The following AGBL1 variants were observed in gnomAD, a reference collection of about 807,000 sequenced individuals.
AGBL1 encodes the protein AGBL carboxypeptidase 1.
In AGBL1, 130 loss-of-function variants were observed where a neutral mutation model predicts 118.9. The observed-to-expected ratio is 1.09, with a 90% CI of 0.95 to 1.26. AGBL1 has a LOEUF of 1.26. Ranked by LOEUF, AGBL1 falls within the 50% of genes most tolerant of loss-of-function variation. AGBL1 has a pLI of 0.00. For synonymous variants in AGBL1, 555 were observed against 478.9 expected (o/e 1.16, Z -2.08); for missense variants, 1,584 against 1,298.1 (o/e 1.22, Z -3.38).
intron 21 of AGBL1, among the ~76,000 whole-genome samples, chr15:86,632,924 T>C (rs993824540): frequency 2.0e-5 from 3 of 152,258 alleles, no homozygotes; most frequent in African/African-American, 7.2e-5. Context: ...TTCACTTGCA[T>C]AGTTCAATTA....
rs568045810 is a variant in AGBL1, at chr15:86,248,438, A to T, written c.735+559A>T. On this transcript the variant is annotated intron_variant, in intron 7 of 22. Transcript: ENST00000614907. ...GTGTATGGCATAGTGTTAAGTGTTG[A>T]CTCTAGAACTAGAGTACTGGATTCA... 7.9e-5 allele frequency among the ~76,000 whole-genome samples: 12 copies of T among 152,254 alleles called. No homozygotes were observed. In the South Asian group the frequency reaches 2.3e-3, roughly 29 times the overall value.
In AGBL1 at chr15:87,019,915, G is replaced by C. The variant is rs893509257; in HGVS notation, c.3324-8910G>C. On this transcript the variant is annotated intron_variant, in intron 24 of 24. Transcript: ENST00000441037. ...AAAGAAGAATCAAAGAAACAAGTCA[G>C]AAATGATGAGGATATCACCACTGAC... 5.3e-5 allele frequency among the ~76,000 whole-genome samples: 8 copies of C among 151,516 alleles called. No individual in the cohort carries two copies. In the East Asian group the frequency reaches 1.6e-3, roughly 29 times the overall value.
chr15:86,990,580 T>G (rs536185963), intron 24 of AGBL1, among the ~76,000 whole-genome samples: 1 of 152,190 alleles, frequency 6.6e-6, no homozygotes, highest in Non-Finnish European at 1.5e-5. Flanking sequence ...CAGCAAATAC[T>G]TTTATAGCAC....
At chr15:86,590,290 T>C (rs1405199937) in intron 21 of AGBL1, among the ~76,000 whole-genome samples, 2 of 152,310 alleles carry the variant, frequency 1.3e-5, no homozygotes, top group South Asian at 4.1e-4. Flanking sequence ...CCATGTGTCA[T>C]GGAAGACACC....
intron 18 of AGBL1, among the ~76,000 whole-genome samples, chr15:86,409,877 ATC>A (rs1163430295): frequency 1.3e-5 from 2 of 151,836 alleles, no homozygotes; most frequent in African/African-American, 4.8e-5. Flanking sequence ...CCCTCCTCTG[ATC>A]CTCCTATAGG....
chr15:86,552,020 G>A (rs1001434539), intron 20 of AGBL1, among the ~76,000 whole-genome samples: 1 of 152,124 alleles, frequency 6.6e-6, no homozygotes, highest in Non-Finnish European at 1.5e-5. Context: ...GGATTCTTAG[G>A]GCAGTAAAAC....
intron 21 of AGBL1, 56 bp from the exon 22 acceptor site, chr15:86,674,217 T>A: frequency 6.6e-7 from 1 of 1,508,956 alleles, no homozygotes; most frequent in Non-Finnish European, 9.0e-7. Flanking sequence ...TTTCAAAGTG[T>A]CACCACTCAG....
intron 19 of AGBL1, among the ~76,000 whole-genome samples, chr15:86,540,788 A>G (rs2083484338): frequency 6.6e-6 from 1 of 152,230 alleles, no homozygotes; most frequent in African/African-American, 2.4e-5. Flanking sequence ...TCTTAGAATT[A>G]ACAGGCATTT....
At chr15:86,983,870 A>G (rs1320626511) in intron 23 of AGBL1, among the ~76,000 whole-genome samples, 1 of 152,220 alleles carries the variant, frequency 6.6e-6, no homozygotes, top group African/African-American at 2.4e-5. Context: ...TTGTGTACAT[A>G]GGTAGTTCTC....
At chr15:86,661,900 T>C (rs993949876) in intron 21 of AGBL1, among the ~76,000 whole-genome samples, 2 of 152,210 alleles carry the variant, frequency 1.3e-5, no homozygotes, top group Non-Finnish European at 2.9e-5. Context: ...CTCTATTCTC[T>C]GCTCTAAGAT....
intron 18 of AGBL1, among the ~76,000 whole-genome samples, chr15:86,489,619 C>T (rs550284775): frequency 1.3e-5 from 2 of 152,204 alleles, no homozygotes; most frequent in South Asian, 2.1e-4. Context: ...CTGTCCTATC[C>T]CCTATTTTGG....
intron 17 of AGBL1, among the ~76,000 whole-genome samples, chr15:86,378,506 A>C (rs184139479): frequency 7.7e-4 from 117 of 152,212 alleles, no homozygotes; most frequent in Middle Eastern, 3.4e-3. Flanking sequence ...CTGGTCATCC[A>C]GTGCTGTTTT....
rs948274204 is a variant in AGBL1 at position 86,913,296 on chromosome 15, T to A, written c.*6002T>A. On this transcript the variant is annotated 3_prime_UTR_variant, in exon 23 of 23. Coordinates refer to ENST00000614907, the MANE Select transcript of AGBL1 (RefSeq NM_001386094.1). ...TCCTCAGACACATGACACATGTTCA[T>A]ACAGGTGAGGGGCAGCTGGTTGATG... 3.3e-5 allele frequency: 5 copies of A among 152,082 alleles called. No homozygotes were observed. Among genetic ancestry groups the A allele is most frequent in the Admixed American group, 6.5e-5 (1 of 15,272 alleles). 9.4% of individuals were successfully genotyped at this position (152,082 alleles called of 1,614,324 possible).
intron 13 of AGBL1, among the ~76,000 whole-genome samples, chr15:86,269,140 T>C (rs1040312956): frequency 1.3e-5 from 2 of 152,166 alleles, no homozygotes; most frequent in African/African-American, 4.8e-5. Context: ...ACAAGTGGTT[T>C]CAGATGTAGA....
intron 4 of AGBL1, among the ~76,000 whole-genome samples, chr15:86,154,907 G>A (rs1270111983): frequency 6.6e-6 from 1 of 152,056 alleles, no homozygotes; most frequent in Non-Finnish European, 1.5e-5. Context: ...TTTAGTCCTT[G>A]TCACATTCAA....
At chr15:87,008,140 T>C (rs755706439) in intron 24 of AGBL1, among the ~76,000 whole-genome samples, 4 of 152,126 alleles carry the variant, frequency 2.6e-5, no homozygotes, top group East Asian at 1.9e-4. Context: ...CCAGAAGAGA[T>C]TGGCATTTGA....
intron 22 of AGBL1, among the ~76,000 whole-genome samples, chr15:86,803,735 T>C (rs1009622384): frequency 2.6e-5 from 4 of 152,218 alleles, no homozygotes; most frequent in East Asian, 1.9e-4. Context: ...GGGAAAGATA[T>C]AGTGCAGTGG....
chr15:86,494,199 A>G (rs2082818586), intron 18 of AGBL1, among the ~76,000 whole-genome samples: 1 of 152,046 alleles, frequency 6.6e-6, no homozygotes, highest in South Asian at 2.1e-4. Context: ...TAATCTATCT[A>G]CTTTATTATG....
intron 22 of AGBL1, among the ~76,000 whole-genome samples, chr15:86,883,613 A>AT (rs1352612828): frequency 3.3e-5 from 5 of 151,994 alleles, no homozygotes; most frequent in African/African-American, 1.2e-4. Context: ...ACCGTAATTG[A>AT]TCTCCAAGCC....
Sources: gnomAD v4.1 joint callset for allele counts (sites outside exome capture counted in the v4.1 genomes callset) on GRCh38, gnomAD v4.1.1 for gene constraint, MANE v1.5 for transcripts, NCBI Gene and HGNC (gene_info 2026-07-23, HGNC 2026-07-21) for gene names.